LRRC51: variants seen among roughly 807,000 people sequenced by gnomAD.
LRRC51 encodes leucine rich repeat containing 51.
A neutral mutation model predicts 17.8 loss-of-function variants in LRRC51; 8 were observed. The observed-to-expected ratio is 0.45, with a 90% CI of 0.26 to 0.81. The LOEUF is 0.81. Ranked by LOEUF, LRRC51 falls within the 30% of genes least tolerant of loss-of-function variation. The probability of loss-of-function intolerance (pLI) is 0.17; values close to 1 mark genes in which losing one functional copy is unlikely to be tolerated. For missense variants in LRRC51, 233 were observed against 239.3 expected (o/e 0.97, Z 0.17); for synonymous variants, 92 against 96.0 (o/e 0.96, Z 0.24).
At chr11:72,090,502 C>T (rs899753051) in intron 3 of LRRC51, among the ~76,000 whole-genome samples, 3 of 151,698 alleles carry the variant, frequency 2.0e-5, no homozygotes, top group Non-Finnish European at 2.9e-5. Flanking sequence ...TGTGTGTGTG[C>T]GTCATATGTA....
chr11:72,083,550 G>A (rs751756179), intron 1 of LRRC51, among the ~76,000 whole-genome samples: 1 of 151,998 alleles, frequency 6.6e-6, no homozygotes, highest in East Asian at 1.9e-4. Context: ...ACTACTTGCC[G>A]GCACTATGAG....
chr11:72,095,334 G>A lies in LRRC51; in HGVS notation c.438-45G>A, dbSNP rs539694886. 48 of 1,613,086 alleles carry A rather than the reference G, an allele frequency of 3.0e-5. No individual in the cohort carries two copies. In the South Asian group the frequency reaches 5.3e-4, roughly 18 times the overall value. On this transcript the variant is annotated intron_variant, in intron 5 of 5. Transcript: ENST00000289488. ...ACAGCAACTAGTGGAGGGGGAAGGGGATTCTGGTGGGGGTGCTGGCCCCCA... is the reference window on the plus strand; with the variant it reads ...ACAGCAACTAGTGGAGGGGGAAGGGAATTCTGGTGGGGGTGCTGGCCCCCA...
chr11:72,089,502 A>G, intron 3 of LRRC51: 1 of 1,267,536 alleles, frequency 7.9e-7, no homozygotes, highest in Non-Finnish European at 1.0e-6. Flanking sequence ...CAAGTGGAAG[A>G]AAACTGGGAA....
rs777124010 is a variant in LRRC51, at chr11:72,095,507, A to C, written c.566A>C (p.Gln189Pro). The stretch of plus-strand genomic sequence containing the variant: ...AAGCCCAAGAAGGCCTGGACCAAGC[A>C]GAATACACTTTGAGGCTCCCACGAC... ...NIKPKKAWTKQNTL is the reference protein window; with the variant it reads ...NIKPKKAWTKPNTL The change falls in exon 6 of 6, where the codon CAG becomes CCG. Residue 189 changes from glutamine (Q) to proline (P), a missense_variant. Physicochemically the swap from Gln to Pro is moderately conservative, Grantham distance 76. Coordinates refer to ENST00000289488, the MANE Select transcript of LRRC51 (RefSeq NM_145309.6). The C allele has an allele frequency of 6.2e-7, 1 of 1,613,956 alleles. No individual in the cohort carries two copies. The highest frequency in any genetic ancestry group is 8.5e-7 in the Non-Finnish European group (1 of 1,179,924).
Position 72,096,632 on chromosome 11 carries a change from G to GA in LRRC51, c.*1115dup. 1 of 1,520,312 alleles carries GA rather than the reference G, an allele frequency of 6.6e-7. No homozygotes were observed. The highest frequency in any genetic ancestry group is 1.4e-5 in the African/African-American group (1 of 71,682). The allele number at this position is 1,520,312 out of a possible 1,614,324, so 94.2% of individuals were successfully genotyped here. The stretch of plus-strand genomic sequence containing the variant: ...ACGTGGGTTTACCACACAGCCTTGG[G>GA]AAATTTATCTAACTCTCTGGGCCCC... On this transcript the variant is annotated 3_prime_UTR_variant, in exon 6 of 6. Transcript: ENST00000289488.
In LRRC51 at chr11:72,095,253, C is replaced by T. The variant is rs999267709; in HGVS notation, c.438-126C>T. 80 of 1,584,810 alleles carry T rather than the reference C, an allele frequency of 5.0e-5. No homozygotes were observed. The South Asian group carries it at 6.5e-4, about 13-fold the overall frequency. On this transcript the variant is annotated intron_variant, in intron 5 of 5. Coordinates refer to ENST00000289488, the MANE Select transcript of LRRC51 (RefSeq NM_145309.6). ...TTCCTTGCTCTCAGTCAGGATAAAC[C>T]TAATCTTTCCCAAACTATGCTCAAG...
intron 3 of LRRC51, among the ~76,000 whole-genome samples, chr11:72,093,018 A>G (rs1944952535): frequency 6.6e-6 from 1 of 152,138 alleles, no homozygotes; most frequent in East Asian, 1.9e-4. Flanking sequence ...ACTGTCTCTC[A>G]TTTTGTTTAT....
In LRRC51 at chr11:72,096,435, G is replaced by A. The variant is rs755878369; in HGVS notation, c.*915G>A. ...GTATTTTTAGTAGAGATGGGGTTTC[G>A]CCATGTTGGCCAGGCTGGTCTCAAA... On this transcript the variant is annotated 3_prime_UTR_variant, in exon 6 of 6. Coordinates refer to ENST00000289488, the MANE Select transcript of LRRC51 (RefSeq NM_145309.6). 652 of 718,784 alleles carry A rather than the reference G, an allele frequency of 9.1e-4. 7 individuals carry two copies. The highest frequency in any genetic ancestry group is 4.1e-4 in the Non-Finnish European group (230 of 566,324). 44.5% of individuals were successfully genotyped at this position (718,784 alleles called of 1,614,324 possible). A position where few individuals can be genotyped will look rare whatever the true frequency, so the allele number is the denominator to read the frequency against.
chr11:72,091,310 G>A (rs1474129260), intron 3 of LRRC51, among the ~76,000 whole-genome samples: 3 of 152,104 alleles, frequency 2.0e-5, no homozygotes, highest in Non-Finnish European at 4.4e-5. Context: ...GTTCTAAGGA[G>A]GTATGGGGAG....
In LRRC51 at chr11:72,095,028, G is replaced by A. The variant is rs1384583194; in HGVS notation, c.369G>A (p.Leu123=). ...SIQRLGEVNK[L]AVLPRLRSLT... is the part of the protein sequence containing the mutation. ...AGCGCCTGGGGGAGGTGAATAAGCT[G>A]GCTGTCCTTCCTCGGCTCCGTAGCC... The change falls in exon 5 of 6, where the codon CTG becomes CTA. Residue 123 remains leucine (L), a synonymous_variant. Transcript: ENST00000289488. 1 of 1,614,022 alleles carries A rather than the reference G, an allele frequency of 6.2e-7. No homozygotes were observed. The highest frequency in any genetic ancestry group is 1.3e-5 in the African/African-American group (1 of 75,006).
Position 72,095,607 on chromosome 11 carries a change from A to G in LRRC51, c.*87A>G. On this transcript the variant is annotated 3_prime_UTR_variant, in exon 6 of 6. Transcript: ENST00000289488. ...TAATTTGAGCTGTTGAGCAGATGAG[A>G]AGTCACTTACACCTTGTAGAGATGT... The G allele has an allele frequency of 1.3e-6, 2 of 1,560,436 alleles. No homozygotes were observed. The highest frequency in any genetic ancestry group is 2.4e-5 in the South Asian group (2 of 84,618).
At chr11:72,093,123 T>C (rs1156906687) in intron 3 of LRRC51, among the ~76,000 whole-genome samples, 3 of 152,250 alleles carry the variant, frequency 2.0e-5, no homozygotes, top group East Asian at 1.9e-4. Context: ...GTGAATTCTA[T>C]AGGCTTTACC....
At chr11:72,091,877 C>T (rs1944884410) in intron 3 of LRRC51, among the ~76,000 whole-genome samples, 1 of 152,220 alleles carries the variant, frequency 6.6e-6, no homozygotes, top group Non-Finnish European at 1.5e-5. Context: ...TGAAACCAGC[C>T]TCCATTCACT....
chr11:72,082,538 C>A (rs1214899401), intron 1 of LRRC51, among the ~76,000 whole-genome samples: 1 of 152,186 alleles, frequency 6.6e-6, no homozygotes, highest in Non-Finnish European at 1.5e-5. Context: ...AAAGGCAACC[C>A]AAACTCTACA....
At chr11:72,088,526 A>G in intron 2 of LRRC51, 146 bp downstream of exon 2, 3 of 657,240 alleles carry the variant, frequency 4.6e-6, no homozygotes, top group Non-Finnish European at 8.3e-6. Flanking sequence ...GCAAATCCCC[A>G]GCTGGGCCAG....
chr11:72,084,987 C>T (rs1027516282), intron 1 of LRRC51, among the ~76,000 whole-genome samples: 2 of 150,780 alleles, frequency 1.3e-5, no homozygotes, highest in South Asian at 4.2e-4. Flanking sequence ...ATTTGATGTA[C>T]TTCTTGTCAT....
At chr11:72,094,506 G>A in intron 4 of LRRC51, 1 of 589,254 alleles carries the variant, frequency 1.7e-6, no homozygotes, top group Non-Finnish European at 3.0e-6. Context: ...ATCCCTAAGA[G>A]GGGAAAGGAG....
At chr11:72,085,735 G>C (rs948336664) in intron 1 of LRRC51, among the ~76,000 whole-genome samples, 1 of 152,178 alleles carries the variant, frequency 6.6e-6, no homozygotes, top group African/African-American at 2.4e-5. Context: ...CTAAGTCTTA[G>C]AGTCAGCTGG....
In LRRC51 at chr11:72,093,517, G is replaced by A; in HGVS notation, c.104G>A (p.Arg35Lys). 2 of 1,613,736 alleles carry A rather than the reference G, an allele frequency of 1.2e-6. No homozygotes were observed. The highest frequency in any genetic ancestry group is 1.7e-6 in the Non-Finnish European group (2 of 1,179,848). The stretch of plus-strand genomic sequence containing the variant: ...ACAGATCTGGTAAATGAGGAGCCAA[G>A]GACAGGACTACGACCACTGAAGCGT... ...VIQDLVNEEP[R>K]TGLRPLKRSK... The change falls in exon 4 of 6, where the codon AGG (arginine) becomes AAG (lysine). Residue 35 changes from arginine to lysine, a missense_variant. Transcript: ENST00000289488.
Sources: allele counts gnomAD v4.1 joint callset (sites outside exome capture counted in the v4.1 genomes callset), GRCh38; gene constraint gnomAD v4.1.1; transcripts MANE v1.5; gene names NCBI Gene and HGNC (gene_info 2026-07-23, HGNC 2026-07-21).